The following MAGI2 variants were observed in gnomAD, a reference collection of about 807,000 sequenced individuals.
The protein encoded by MAGI2 is membrane associated guanylate kinase, WW and PDZ domain containing 2, also known as membrane-associated guanylate kinase, WW and PDZ domain-containing protein 2.
Under a neutral mutation model 133.3 loss-of-function variants are expected in MAGI2, and 35 were observed. The observed-to-expected ratio is 0.26, with a 90% CI of 0.20 to 0.35. MAGI2 has a LOEUF of 0.35. MAGI2 is among the 10% of genes least tolerant of loss of function. The pLI, the probability that MAGI2 is intolerant of heterozygous loss-of-function variation, is 1.00. For synonymous variants in MAGI2, 729 were observed against 710.6 expected (o/e 1.03, Z -0.41); for missense variants, 1,636 against 1,863.4 (o/e 0.88, Z 2.25).
intron 1 of MAGI2, among the ~76,000 whole-genome samples, chr7:79,073,404 T>G (rs906153442): frequency 1.3e-5 from 2 of 152,184 alleles, no homozygotes; most frequent in African/African-American, 4.8e-5. Flanking sequence ...CAGTCTTTAT[T>G]TAACTGAGAC....
intron 21 of MAGI2, among the ~76,000 whole-genome samples, chr7:78,056,672 T>A (rs191378412): frequency 6.6e-6 from 1 of 151,886 alleles, no homozygotes; most frequent in Non-Finnish European, 1.5e-5. Context: ...CTGTCAGGGC[T>A]TGGGGGGAAG....
intron 6 of MAGI2, among the ~76,000 whole-genome samples, chr7:78,395,308 C>T (rs1440274452): frequency 6.6e-6 from 1 of 152,026 alleles, no homozygotes; most frequent in African/African-American, 2.4e-5. Context: ...ATTTTAAAGT[C>T]CAATGGAAAA....
At position 78,019,409 on chromosome 7, in the gene MAGI2, C is replaced by G; in HGVS notation, c.4274G>C (p.Arg1425Pro). Residue 1425 changes from arginine (R) to proline (P), a missense_variant, in exon 22 of 22, where the codon CGC becomes CCC. By Grantham distance (103) the Arg-to-Pro change is moderately radical (BLOSUM62 -2). Coordinates refer to ENST00000354212, the MANE Select transcript of MAGI2 (RefSeq NM_012301.4). ...GGGCCCCGGCGCGACGGCGGCCTTG[C>G]GCGCCGGGGCGCCCCCCGGGGGTCG... ...GPRPPGGAPA[R>P]KAAVAPGPWK... is the part of the protein sequence containing the mutation. 8.8e-7 allele frequency: 1 copy of G among 1,141,168 alleles called. No homozygotes were observed. The highest frequency in any genetic ancestry group is 1.1e-6 in the Non-Finnish European group (1 of 931,806). 70.7% of individuals were successfully genotyped at this position (1,141,168 alleles called of 1,614,324 possible).
chr7:79,075,411 C>T (rs1815372998), intron 1 of MAGI2, among the ~76,000 whole-genome samples: 1 of 152,114 alleles, frequency 6.6e-6, no homozygotes, highest in South Asian at 2.1e-4. Flanking sequence ...ACCTGTCAGT[C>T]AGGATTGTAT....
chr7:78,732,448 T>A (rs1278006645), intron 2 of MAGI2, among the ~76,000 whole-genome samples: 1 of 152,158 alleles, frequency 6.6e-6, no homozygotes, highest in Non-Finnish European at 1.5e-5. Flanking sequence ...TCATCTCATC[T>A]AGAACTTTTA....
intron 9 of MAGI2, among the ~76,000 whole-genome samples, chr7:78,325,477 C>T (rs1232810220): frequency 6.6e-6 from 1 of 152,166 alleles, no homozygotes; most frequent in African/African-American, 2.4e-5. Flanking sequence ...CATAGTCTTC[C>T]CTAGTTGCTC....
chr7:78,459,827 T>A (rs976208089), intron 6 of MAGI2, among the ~76,000 whole-genome samples: 1 of 152,214 alleles, frequency 6.6e-6, no homozygotes, highest in Non-Finnish European at 1.5e-5. Flanking sequence ...GGTGAGTGTT[T>A]TACATTTATT....
At chr7:78,935,854 C>T (rs996596501) in intron 2 of MAGI2, among the ~76,000 whole-genome samples, 6 of 152,024 alleles carry the variant, frequency 3.9e-5, no homozygotes, top group African/African-American at 1.4e-4. Flanking sequence ...TCAAGTCTGG[C>T]CCTACATGTC....
At chr7:79,103,875 AT>A (rs747784003) in intron 1 of MAGI2, among the ~76,000 whole-genome samples, 1 of 151,028 alleles carries the variant, frequency 6.6e-6, no homozygotes, top group Admixed American at 6.6e-5. Flanking sequence ...AATTTTTTTT[AT>A]ATTTTTAGTA....
chr7:78,729,890 A>C (rs2151221818), intron 2 of MAGI2, among the ~76,000 whole-genome samples: 1 of 152,322 alleles, frequency 6.6e-6, no homozygotes, highest in African/African-American at 2.4e-5. Context: ...ATTTACATCA[A>C]GAAATCAGTC....
intron 9 of MAGI2, among the ~76,000 whole-genome samples, chr7:78,339,237 A>C (rs1790099233): frequency 6.6e-6 from 1 of 152,198 alleles, no homozygotes; most frequent in Non-Finnish European, 1.5e-5. Context: ...CAGCAAGTTA[A>C]ATGCATAGAG....
At chr7:79,017,945 C>A (rs1359538072) in intron 1 of MAGI2, among the ~76,000 whole-genome samples, 1 of 151,966 alleles carries the variant, frequency 6.6e-6, no homozygotes, top group East Asian at 1.9e-4. Context: ...GGAAAGAGAC[C>A]CAGTCTATGA....
At chr7:78,629,932 C>T (rs567741704) in intron 2 of MAGI2, among the ~76,000 whole-genome samples, 10 of 151,824 alleles carry the variant, frequency 6.6e-5, no homozygotes, top group Non-Finnish European at 1.3e-4. Flanking sequence ...AGACAAATTT[C>T]TTTTCCTTTG....
At chr7:79,015,127 C>A (rs1420282515) in intron 1 of MAGI2, among the ~76,000 whole-genome samples, 1 of 152,046 alleles carries the variant, frequency 6.6e-6, no homozygotes, top group Non-Finnish European at 1.5e-5. Context: ...AACTGAAAAA[C>A]ATTTGACATT....
intron 2 of MAGI2, among the ~76,000 whole-genome samples, chr7:78,833,424 CT>C (rs942265829): frequency 1.1e-4 from 16 of 152,166 alleles, no homozygotes; most frequent in African/African-American, 3.6e-4. Flanking sequence ...AGTGACCCCC[CT>C]GGACTCAGCT....
intron 1 of MAGI2, among the ~76,000 whole-genome samples, chr7:79,247,573 A>C (rs1490661234): frequency 2.0e-5 from 3 of 152,140 alleles, no homozygotes; most frequent in Non-Finnish European, 2.9e-5. Context: ...TGATTGTGCC[A>C]CTGAATTCCA....
At chr7:78,104,465 G>A (rs969233051) in intron 20 of MAGI2, among the ~76,000 whole-genome samples, 3 of 151,540 alleles carry the variant, frequency 2.0e-5, no homozygotes, top group Admixed American at 6.6e-5. Context: ...CTCGTCATCC[G>A]CCCGCCTCGG....
chr7:78,560,284 A>G (rs1584635879), intron 3 of MAGI2, among the ~76,000 whole-genome samples: 1 of 152,348 alleles, frequency 6.6e-6, no homozygotes, highest in East Asian at 1.9e-4. Flanking sequence ...ACAGCAGAAT[A>G]TTCATGCACA....
chr7:78,461,849 T>C (rs1433056648), intron 6 of MAGI2, among the ~76,000 whole-genome samples: 1 of 130,236 alleles, frequency 7.7e-6, no homozygotes, highest in African/African-American at 3.0e-5. Context: ...AGGCAGAAGT[T>C]GTGGTGAGCC....
Sources: gnomAD v4.1 joint callset for allele counts (sites outside exome capture counted in the v4.1 genomes callset) on GRCh38, gnomAD v4.1.1 for gene constraint, MANE v1.5 for transcripts, NCBI Gene and HGNC (gene_info 2026-07-23, HGNC 2026-07-21) for gene names.